The following HERC2 variants were observed in gnomAD, a reference collection of about 807,000 sequenced individuals.
HERC2 encodes HECT and RLD domain containing E3 ubiquitin protein ligase 2.
HERC2 carries 102 observed loss-of-function variants against 537.7 expected under a neutral mutation model. The ratio of observed to expected loss-of-function variants is 0.19; its 90% CI spans 0.16 to 0.22. HERC2 has a LOEUF of 0.22. Among genes scored for constraint, HERC2 ranks in the 10% least tolerant of loss-of-function variants. HERC2 has a pLI of 1.00. For synonymous variants in HERC2, 2,224 were observed against 2,466.2 expected, an observed-to-expected ratio of 0.90 and a Z score of 2.91; for missense variants, 4,236 against 6,198.2, an observed-to-expected ratio of 0.68 and a Z score of 10.63.
chr15:28,130,547 G>A lies in HERC2; in HGVS notation c.12618C>T (p.Ser4206=), dbSNP rs1246916734. 1.9e-6 allele frequency: 3 copies of A among 1,614,042 alleles called. No homozygotes were observed. The Middle Eastern group carries it at 4.9e-4, about 266-fold the overall frequency. The stretch of plus-strand genomic sequence containing the variant: ...ATTTGGTAAGGGCAACAGAAAACTG[G>A]GATCCGCATTCCACTTTAACTACTC... ...GLGVVKVECG[S]QFSVALTKSG... The change falls in exon 82 of 93, where the codon TCC becomes TCT. Residue 4206 remains serine (S), a synonymous_variant. Transcript: ENST00000261609.
intron 83 of HERC2, among the ~76,000 whole-genome samples, chr15:28,127,223 G>A (rs1343413970): frequency 6.6e-6 from 1 of 152,240 alleles, no homozygotes; most frequent in African/African-American, 2.4e-5. Context: ...GGTGAGGAGG[G>A]TGTCTCTGCA....
Position 28,293,000 on chromosome 15 carries a change from T to C in HERC2, c.210A>G (p.Gly70=). ...TGTCATTCAGATCTTCTTTCTTTGT[T>C]CCACTTGGTTCGACACTATCATCTG... The part of the protein sequence containing the change: ...PRKDDSVEPS[G]TKKEDLNDKE... The change falls in exon 4 of 93, where the codon GGA becomes GGG. Residue 70 remains glycine (G), a synonymous_variant. Transcript: ENST00000261609. 6.2e-7 allele frequency: 1 copy of C among 1,610,806 alleles called. No homozygotes were observed. Among genetic ancestry groups the C allele is most frequent in the African/African-American group, 1.3e-5 (1 of 74,822 alleles).
At chr15:28,287,041 G>A (rs1365098888) in intron 4 of HERC2, among the ~76,000 whole-genome samples, 1 of 152,128 alleles carries the variant, frequency 6.6e-6, no homozygotes, top group Non-Finnish European at 1.5e-5. Context: ...GTGAATATGT[G>A]CGTGCGCGCT....
chr15:28,317,109 G>A (rs1405832927), intron 2 of HERC2, among the ~76,000 whole-genome samples: 2 of 145,042 alleles, frequency 1.4e-5, no homozygotes, highest in South Asian at 4.4e-4. Context: ...TTTTTTTTTT[G>A]AGATGGAGTC....
Position 28,125,089 on chromosome 15 carries a change from C to T in HERC2, c.12907G>A (p.Val4303Ile), listed in dbSNP as rs1227079223. Residue 4303 changes from valine (V) to isoleucine (I), a missense_variant, in exon 84 of 93, where the codon GTC (valine) becomes ATC (isoleucine). Around this residue, in one of 27 missense-constraint regions of HERC2, gnomAD observed 189 missense variants for 255.7 expected, o/e 0.74. Coordinates refer to ENST00000261609, the MANE Select transcript of HERC2 (RefSeq NM_004667.6). ...RLVAALQGKKVNRVACGSAHT... is the reference protein window; with the variant it reads ...RLVAALQGKKINRVACGSAHT... Reference sequence around the variant, plus strand: ...GCTGAGCCACAGGCCACACGGTTGACCTTCTTACCCTGAAGGGCAGCTACC... The same window carrying T: ...GCTGAGCCACAGGCCACACGGTTGATCTTCTTACCCTGAAGGGCAGCTACC... The T allele has an allele frequency of 1.9e-6, 3 of 1,614,028 alleles. No individual in the cohort carries two copies. The highest frequency in any genetic ancestry group is 2.7e-5 in the African/African-American group (2 of 74,944).
chr15:28,120,883 C>T (rs1339985288), intron 86 of HERC2, among the ~76,000 whole-genome samples: 2 of 152,202 alleles, frequency 1.3e-5, no homozygotes. Context: ...TAAACCAGGA[C>T]ACACCCCTGC....
intron 24 of HERC2, 99 bp from the exon 25 acceptor site, chr15:28,238,316 A>C: frequency 1.0e-6 from 1 of 957,570 alleles, no homozygotes; most frequent in Non-Finnish European, 1.7e-6. Context: ...CGCTTAACTC[A>C]AAAGTGAGGG....
chr15:28,321,194 A>C (rs78820178), intron 2 of HERC2, among the ~76,000 whole-genome samples, 168 bp downstream of exon 2: 1 of 152,106 alleles, frequency 6.6e-6, no homozygotes, highest in Non-Finnish European at 1.5e-5. Flanking sequence ...CGATCTACAA[A>C]AACAGCCATA....
chr15:28,277,240 G>A (rs2075898523), intron 5 of HERC2, among the ~76,000 whole-genome samples: 1 of 152,008 alleles, frequency 6.6e-6, no homozygotes, highest in Non-Finnish European at 1.5e-5. Flanking sequence ...TTGCAGTGGT[G>A]GTCTCAGAAA....
chr15:28,227,230 G>A (rs1170000831), intron 35 of HERC2, among the ~76,000 whole-genome samples: 2 of 152,074 alleles, frequency 1.3e-5, no homozygotes, highest in Non-Finnish European at 2.9e-5. Context: ...AGCTGAGATC[G>A]TGCCACTGTG....
At chr15:28,156,095 G>C (rs1211573844) in intron 69 of HERC2, among the ~76,000 whole-genome samples, 1 of 152,142 alleles carries the variant, frequency 6.6e-6, no homozygotes, top group Non-Finnish European at 1.5e-5. Flanking sequence ...TTATTTCTGA[G>C]GGCTCTGTTC....
intron 52 of HERC2, among the ~76,000 whole-genome samples, chr15:28,192,651 A>T (rs547186651): frequency 1.6e-4 from 25 of 152,222 alleles, no homozygotes; most frequent in Non-Finnish European, 3.5e-4. Context: ...AAAGAATTAC[A>T]AGGTCAGAAC....
intron 2 of HERC2, among the ~76,000 whole-genome samples, chr15:28,299,721 T>TA (rs1271490706): frequency 1.3e-5 from 2 of 152,168 alleles, no homozygotes; most frequent in Non-Finnish European, 2.9e-5. Flanking sequence ...TGCATAATAG[T>TA]ATAAATACTA....
At chr15:28,296,166 C>A (rs2076463621) in intron 3 of HERC2, among the ~76,000 whole-genome samples, 1 of 151,990 alleles carries the variant, frequency 6.6e-6, no homozygotes, top group African/African-American at 2.4e-5. Flanking sequence ...TTTAAAAGAA[C>A]AAAGGACAAA....
In HERC2 at chr15:28,213,891, T is replaced by A. The variant is rs1455887263; in HGVS notation, c.6637A>T (p.Ile2213Phe). 2.5e-6 allele frequency: 4 copies of A among 1,613,960 alleles called. No homozygotes were observed. Among genetic ancestry groups the A allele is most frequent in the Non-Finnish European group, 3.4e-6 (4 of 1,180,022 alleles). Residue 2213 changes from isoleucine to phenylalanine, a missense_variant, in exon 42 of 93, where the codon ATC becomes TTC. Ile to Phe is a conservative substitution (Grantham distance 21). Transcript: ENST00000261609. ...CCGCCCAGGCGCAGGCGACCATCGA[T>A]GCCTCCAATCACAGCCAGGACTGCC... ...LMAVLAVIGG[I>F]DGRLRLGGQV... is the part of the protein sequence containing the mutation.
chr15:28,225,036 T>C (rs892820712), intron 35 of HERC2, among the ~76,000 whole-genome samples: 1 of 152,246 alleles, frequency 6.6e-6, no homozygotes, highest in Non-Finnish European at 1.5e-5. Flanking sequence ...TTACAAAAGA[T>C]GATCTCAAAT....
intron 45 of HERC2, among the ~76,000 whole-genome samples, chr15:28,204,158 C>A (rs2140356250): frequency 6.6e-6 from 1 of 152,130 alleles, no homozygotes; most frequent in South Asian, 2.1e-4. Context: ...TCCAAAGAAT[C>A]CAGAATGAAA....
intron 5 of HERC2, 79 bp from the exon 6 acceptor site, chr15:28,275,084 G>A: frequency 1.2e-6 from 1 of 813,770 alleles, no homozygotes; most frequent in Non-Finnish European, 2.0e-6. Context: ...TACTATGAAA[G>A]GGTGTGTACC....
At chr15:28,189,566 A>G (rs1896637380) in intron 55 of HERC2, among the ~76,000 whole-genome samples, 1 of 152,228 alleles carries the variant, frequency 6.6e-6, no homozygotes, top group South Asian at 2.1e-4. Context: ...TATTGGCTAT[A>G]ATGAATCAGT....
Sources: gnomAD v4.1 joint callset for allele counts (sites outside exome capture counted in the v4.1 genomes callset) on GRCh38, gnomAD v4.1.1 for gene constraint, gnomAD v4.1.1 regional missense constraint, MANE v1.5 for transcripts, NCBI Gene and HGNC (gene_info 2026-07-23, HGNC 2026-07-21) for gene names.